The following DUSP13A variants were observed in gnomAD, a reference collection of about 807,000 sequenced individuals.
The protein encoded by DUSP13A is dual specificity protein phosphatase 13A.
At chr10:75,105,932 G>A in the DUSP13A span, 2 of 1,482,336 alleles carry the variant, frequency 1.3e-6, no homozygotes, top group East Asian at 2.5e-5. Context: ...GGCTGGGATG[G>A]GGACCCAAGT....
At chr10:75,107,828 C>T in the DUSP13A span, among the ~76,000 whole-genome samples, 7 of 152,186 alleles carry the variant, frequency 4.6e-5, no homozygotes, top group African/African-American at 9.7e-5. Context: ...CCACCCACCT[C>T]GGCCTCCCAA....
At chr10:75,107,600 G>C in the DUSP13A span, among the ~76,000 whole-genome samples, 5 of 152,114 alleles carry the variant, frequency 3.3e-5, no homozygotes, top group East Asian at 7.7e-4. Flanking sequence ...GGGGGGGGAT[G>C]GAGTTTCGCC....
At chr10:75,108,935 T>C in the DUSP13A span, 1 of 1,523,882 alleles carries the variant, frequency 6.6e-7, no homozygotes, top group Non-Finnish European at 8.8e-7. Flanking sequence ...TCCACCCTCC[T>C]GTGTCTGGTA....
chr10:75,105,705 C>T, the DUSP13A span: 9 of 1,551,966 alleles, frequency 5.8e-6, no homozygotes, highest in Admixed American at 1.9e-5. Context: ...GCTGGTCCAG[C>T]CTGCAGAGCT....
At chr10:75,105,738 G>A in the DUSP13A span, 2 of 1,554,648 alleles carry the variant, frequency 1.3e-6, no homozygotes, top group Non-Finnish European at 1.7e-6. Flanking sequence ...CTCGGTTGGG[G>A]AAGACCCATC....
chr10:75,105,905 A>G, the DUSP13A span: 1 of 1,532,444 alleles, frequency 6.5e-7, no homozygotes. Flanking sequence ...CCTGTCCCAC[A>G]CACCGGCCCA....
At chr10:75,108,414 G>A in the DUSP13A span, 18 of 914,638 alleles carry the variant, frequency 2.0e-5, no homozygotes, top group African/African-American at 2.8e-4. Flanking sequence ...TGTGTGTGTC[G>A]GGGGATCTTT....
chr10:75,108,254 A>T, the DUSP13A span: 2 of 1,549,788 alleles, frequency 1.3e-6, no homozygotes, highest in Non-Finnish European at 1.7e-6. Context: ...AAGCCATGGG[A>T]CCAGGAGGGA....
chr10:75,108,864 C>G, the DUSP13A span: 8 of 1,103,408 alleles, frequency 7.3e-6, no homozygotes, highest in Non-Finnish European at 7.4e-6. Flanking sequence ...TCAGCACCCC[C>G]GGGGGTCCTG....
chr10:75,108,413 C>T, the DUSP13A span: 23 of 917,744 alleles, frequency 2.5e-5, no homozygotes, highest in African/African-American at 1.2e-4. Flanking sequence ...GTGTGTGTGT[C>T]GGGGGATCTT....
chr10:75,105,728 C>A, the DUSP13A span: 2 of 1,554,520 alleles, frequency 1.3e-6, no homozygotes, highest in Non-Finnish European at 1.7e-6. Flanking sequence ...TGCAGGAAGC[C>A]TCGGTTGGGG....
At chr10:75,105,700 T>A in the DUSP13A span, 2 of 1,550,984 alleles carry the variant, frequency 1.3e-6, no homozygotes, top group Admixed American at 3.9e-5. Flanking sequence ...CAGTTGCTGG[T>A]CCAGCCTGCA....
the DUSP13A span, among the ~76,000 whole-genome samples, chr10:75,106,101 C>CTTTTTTTTTTTT: frequency 8.1e-6 from 1 of 123,024 alleles, no homozygotes. Flanking sequence ...TCTTTCTTTT[C>CTTTTTTTTTTTT]TTTTTTTTTT....
chr10:75,107,377 T>C, the DUSP13A span, among the ~76,000 whole-genome samples: 1 of 151,858 alleles, frequency 6.6e-6, no homozygotes, highest in Non-Finnish European at 1.5e-5. Context: ...AAAAAGTACT[T>C]TGGGGCAGAC....
the DUSP13A span, chr10:75,107,919 T>C: frequency 7.4e-6 from 11 of 1,485,388 alleles, no homozygotes; most frequent in Middle Eastern, 1.9e-4. Flanking sequence ...AGGGCACTGA[T>C]GACTGAGAGG....
the DUSP13A span, chr10:75,105,759 C>T: frequency 3.5e-5 from 55 of 1,552,764 alleles, no homozygotes; most frequent in African/African-American, 3.6e-4. Flanking sequence ...GGTGCTGCCT[C>T]ACGGTGATCA....
chr10:75,106,767 A>G, the DUSP13A span, among the ~76,000 whole-genome samples: 177 of 152,378 alleles, frequency 1.2e-3, 1 homozygote, highest in African/African-American at 4.2e-3. Context: ...CCAGGCACGT[A>G]GTGGATACTC....
chr10:75,108,125 C>T, the DUSP13A span: 5 of 1,613,618 alleles, frequency 3.1e-6, no homozygotes, highest in East Asian at 8.9e-5. Flanking sequence ...CAGGGCCGCC[C>T]TGACAGTAGA....
At chr10:75,106,764 C>T in the DUSP13A span, among the ~76,000 whole-genome samples, 4 of 152,306 alleles carry the variant, frequency 2.6e-5, no homozygotes, top group South Asian at 2.1e-4. Context: ...GTGCCAGGCA[C>T]GTAGTGGATA....
Sources: gnomAD v4.1 joint callset for allele counts (sites outside exome capture counted in the v4.1 genomes callset) on GRCh38, gnomAD v4.1.1 for gene constraint, MANE v1.5 for transcripts, NCBI Gene and HGNC (gene_info 2026-07-23, HGNC 2026-07-21) for gene names.